PACSIN2: variants seen among roughly 807,000 people sequenced by gnomAD.
The protein encoded by PACSIN2 is protein kinase C and casein kinase substrate in neurons 2, also known as protein kinase C and casein kinase substrate in neurons protein 2.
Under a neutral mutation model 63.8 loss-of-function variants are expected in PACSIN2, and 25 were observed. The observed-to-expected ratio is 0.39, with a 90% CI of 0.29 to 0.55. The LOEUF (loss-of-function observed/expected upper bound fraction) is 0.55, where lower values mean the gene tolerates loss of function less well. Ranked by LOEUF, PACSIN2 falls within the 20% of genes least tolerant of loss-of-function variation. The probability of loss-of-function intolerance (pLI) is 0.62; values close to 1 mark genes in which losing one functional copy is unlikely to be tolerated. For missense variants in PACSIN2, 518 were observed against 646.9 expected (o/e 0.80, Z 2.16); for synonymous variants, 255 against 256.2 (o/e 1.00, Z 0.05).
intron 1 of PACSIN2, among the ~76,000 whole-genome samples, chr22:43,009,352 G>T (rs1032397706): frequency 6.6e-6 from 1 of 152,218 alleles, no homozygotes; most frequent in Non-Finnish European, 1.5e-5. Context: ...TTTGGAATGT[G>T]CATCTTCTAT....
intron 1 of PACSIN2, among the ~76,000 whole-genome samples, chr22:42,981,592 C>A (rs1922140031): frequency 8.1e-6 from 1 of 123,484 alleles, no homozygotes; most frequent in African/African-American, 3.1e-5. Context: ...CCGGCTGCCC[C>A]TACTGGGAAG....
At chr22:42,959,476 C>T (rs191018983) in intron 1 of PACSIN2, 1 of 152,192 alleles carries the variant, frequency 6.6e-6, no homozygotes, top group Non-Finnish European at 1.5e-5. Context: ...AAAGGAAACA[C>T]GCACGTATGT....
At chr22:42,902,903 C>G (rs183195986) in intron 2 of PACSIN2, among the ~76,000 whole-genome samples, 1 of 152,206 alleles carries the variant, frequency 6.6e-6, no homozygotes, top group Non-Finnish European at 1.5e-5. Context: ...TGTGAGCCAC[C>G]GCGCCCGGCC....
chr22:42,913,174 C>T (rs1931573391), intron 1 of PACSIN2, among the ~76,000 whole-genome samples: 1 of 152,086 alleles, frequency 6.6e-6, no homozygotes, highest in African/African-American at 2.4e-5. Context: ...CCTCGCTTGC[C>T]TTATCTGGAA....
intron 1 of PACSIN2, among the ~76,000 whole-genome samples, chr22:42,933,378 T>G (rs1932822391): frequency 6.6e-6 from 1 of 152,226 alleles, no homozygotes; most frequent in African/African-American, 2.4e-5. Context: ...AGCCCAGCAT[T>G]GTTTTTCTCT....
chr22:42,940,515 C>G (rs1933107690), intron 1 of PACSIN2, among the ~76,000 whole-genome samples: 1 of 152,230 alleles, frequency 6.6e-6, no homozygotes, highest in Non-Finnish European at 1.5e-5. Context: ...GAAGCCCAGT[C>G]TCCAAGGTCA....
chr22:42,934,244 T>C (rs368146182), intron 1 of PACSIN2, among the ~76,000 whole-genome samples: 8 of 152,238 alleles, frequency 5.3e-5, no homozygotes, highest in East Asian at 1.9e-4. Flanking sequence ...TCAAAACATA[T>C]AACCGAGGCC....
chr22:42,950,228 GA>G (rs1366200354), intron 1 of PACSIN2, among the ~76,000 whole-genome samples: 2 of 151,940 alleles, frequency 1.3e-5, no homozygotes. Flanking sequence ...ATGATTTAAA[GA>G]ATACTGAAGA....
chr22:42,967,913 G>C (rs60163871), intron 1 of PACSIN2, among the ~76,000 whole-genome samples: 4,759 of 152,228 alleles, frequency 0.031, 163 homozygotes, highest in East Asian at 0.18. Context: ...TCCTGCAAAT[G>C]GATGATCAAA....
At position 42,875,139 on chromosome 22, in the gene PACSIN2, C is replaced by CAT. The variant is rs528610936; in HGVS notation, c.1348+996_1348+997dup. ...TGCTGGGATTACAGGCGTGAGCCAC[C>CAT]ATGCCCAGCCTACTTTTTTTTTTTT... is the stretch of plus-strand genomic sequence containing the variant. On this transcript the variant is annotated intron_variant, in intron 10 of 10. Coordinates refer to ENST00000263246, the MANE Select transcript of PACSIN2 (RefSeq NM_001184970.3). 4.7e-3 allele frequency among the ~76,000 whole-genome samples: 685 copies of CAT among 146,764 alleles called. 5 individuals carry two copies. The highest frequency in any genetic ancestry group is 0.016 in the African/African-American group (631 of 39,764).
intron 4 of PACSIN2, among the ~76,000 whole-genome samples, chr22:42,890,691 G>T (rs556999154): frequency 6.6e-6 from 1 of 152,296 alleles, no homozygotes; most frequent in Admixed American, 6.5e-5. Context: ...CTCCAGCCTG[G>T]GAGAGAGAGT....
intron 8 of PACSIN2, among the ~76,000 whole-genome samples, chr22:42,878,587 CCTGGCAGT>C (rs1254828805): frequency 6.6e-6 from 1 of 152,198 alleles, no homozygotes; most frequent in African/African-American, 2.4e-5. Context: ...AAAGGAGATG[CCTGGCAGT>C]CCTCTCCTGT....
chr22:42,934,793 C>T (rs1470348272), intron 1 of PACSIN2, among the ~76,000 whole-genome samples: 2 of 152,240 alleles, frequency 1.3e-5, no homozygotes, highest in Admixed American at 6.5e-5. Flanking sequence ...GAGTCACCTG[C>T]CTTCCCTAGT....
intron 1 of PACSIN2, among the ~76,000 whole-genome samples, chr22:42,996,092 C>T (rs961051669): frequency 2.6e-5 from 4 of 152,012 alleles, no homozygotes; most frequent in South Asian, 2.1e-4. Flanking sequence ...TGGTGGTGGG[C>T]GCCTGTAGTC....
intron 1 of PACSIN2, among the ~76,000 whole-genome samples, chr22:42,917,142 C>T (rs1931866174): frequency 2.0e-5 from 3 of 152,258 alleles, no homozygotes; most frequent in African/African-American, 7.2e-5. Context: ...GTAGCGGTTT[C>T]GCCATGGGCA....
chr22:42,978,497 T>A (rs1045362222), intron 1 of PACSIN2, among the ~76,000 whole-genome samples: 2 of 152,218 alleles, frequency 1.3e-5, no homozygotes, highest in Non-Finnish European at 2.9e-5. Flanking sequence ...TCCACCCTCA[T>A]CCTGCTGAAT....
intron 1 of PACSIN2, among the ~76,000 whole-genome samples, chr22:42,941,712 T>G (rs1260580716): frequency 1.3e-5 from 2 of 152,214 alleles, no homozygotes; most frequent in African/African-American, 4.8e-5. Flanking sequence ...TCGGTTTAGA[T>G]CCTTTGCTCA....
intron 2 of PACSIN2, among the ~76,000 whole-genome samples, chr22:42,894,126 G>A (rs1483443978): frequency 1.3e-5 from 2 of 152,112 alleles, no homozygotes; most frequent in Non-Finnish European, 2.9e-5. Context: ...TCCAAATACT[G>A]TCTCCCCTAC....
intron 2 of PACSIN2, among the ~76,000 whole-genome samples, chr22:42,911,175 G>T (rs1931429549): frequency 6.6e-6 from 1 of 151,938 alleles, no homozygotes. Flanking sequence ...AAGTGCTGGG[G>T]TTACAGACAT....
Sources: allele counts gnomAD v4.1 joint callset (sites outside exome capture counted in the v4.1 genomes callset), GRCh38; gene constraint gnomAD v4.1.1; transcripts MANE v1.5; gene names NCBI Gene and HGNC (gene_info 2026-07-23, HGNC 2026-07-21).